KLHL18: variants seen among roughly 807,000 people sequenced by gnomAD.
KLHL18 encodes the protein kelch like family member 18.
In KLHL18, 38 loss-of-function variants were observed where a neutral mutation model predicts 58.5. That is an observed-to-expected ratio of 0.65 (90% CI 0.50 to 0.85). The LOEUF is 0.85. Among genes scored for constraint, KLHL18 ranks in the 40% least tolerant of loss-of-function variants. KLHL18 has a pLI of 0.00. For missense variants in KLHL18, 624 were observed against 778.4 expected, an observed-to-expected ratio of 0.80 and a Z score of 2.36; for synonymous variants, 303 against 301.9, an observed-to-expected ratio of 1.00 and a Z score of -0.04.
At chr3:47,292,890 G>A (rs998756282) in intron 1 of KLHL18, among the ~76,000 whole-genome samples, 7 of 137,236 alleles carry the variant, frequency 5.1e-5, no homozygotes, top group Non-Finnish European at 1.1e-4. Context: ...CTGGGCAACA[G>A]CGAGACCCTG....
chr3:47,328,209 C>A (rs1022977452), intron 3 of KLHL18, among the ~76,000 whole-genome samples: 1 of 125,100 alleles, frequency 8.0e-6, no homozygotes, highest in Admixed American at 8.3e-5. Flanking sequence ...TACCAAAAAA[C>A]ACTTTTTTTT....
chr3:47,294,477 T>C (rs1162702520), intron 1 of KLHL18, among the ~76,000 whole-genome samples: 3 of 151,950 alleles, frequency 2.0e-5, no homozygotes, highest in African/African-American at 7.3e-5. Context: ...GAGATCTAAA[T>C]GAAGTGAGGG....
At chr3:47,323,608 C>G (rs531194657) in intron 3 of KLHL18, among the ~76,000 whole-genome samples, 1 of 152,332 alleles carries the variant, frequency 6.6e-6, no homozygotes. Context: ...CCCTCCCCCT[C>G]AAGAGCCAGA....
chr3:47,318,948 TC>T (rs1463880900), intron 1 of KLHL18, among the ~76,000 whole-genome samples: 3 of 152,262 alleles, frequency 2.0e-5, no homozygotes, highest in East Asian at 1.9e-4. Flanking sequence ...GTTTTGCTCT[TC>T]CTGGAGAATA....
intron 3 of KLHL18, among the ~76,000 whole-genome samples, chr3:47,324,298 CTTT>C (rs769288621): frequency 8.9e-3 from 333 of 37,478 alleles, no homozygotes; most frequent in African/African-American, 0.02. Flanking sequence ...TTCTTTCTTT[CTTT>C]TTTTTTTTTT....
At chr3:47,290,406 T>C (rs559685177) in intron 1 of KLHL18, among the ~76,000 whole-genome samples, 3 of 152,352 alleles carry the variant, frequency 2.0e-5, no homozygotes, top group Non-Finnish European at 4.4e-5. Flanking sequence ...CAGGGTTTTC[T>C]ACTGACATTT....
At chr3:47,303,065 A>G (rs1703061348) in intron 1 of KLHL18, among the ~76,000 whole-genome samples, 1 of 152,198 alleles carries the variant, frequency 6.6e-6, no homozygotes, top group South Asian at 2.1e-4. Flanking sequence ...TGCCATATTC[A>G]TGATCTCTTC....
At chr3:47,319,279 A>C (rs1476942095) in intron 1 of KLHL18, among the ~76,000 whole-genome samples, 1 of 152,198 alleles carries the variant, frequency 6.6e-6, no homozygotes, top group East Asian at 1.9e-4. Flanking sequence ...CATCTGCCTG[A>C]GGTTGGGATA....
At chr3:47,307,084 T>A (rs760696115) in intron 1 of KLHL18, among the ~76,000 whole-genome samples, 1 of 152,204 alleles carries the variant, frequency 6.6e-6, no homozygotes, top group Admixed American at 6.5e-5. Flanking sequence ...AACTTGTCTT[T>A]TTTTCGAGAT....
chr3:47,288,185 C>CA (rs1394021819), intron 1 of KLHL18, among the ~76,000 whole-genome samples: 1 of 141,026 alleles, frequency 7.1e-6, no homozygotes, highest in East Asian at 2.1e-4. Context: ...CACGCCACTG[C>CA]ACTCCAGCCT....
intron 1 of KLHL18, among the ~76,000 whole-genome samples, chr3:47,298,188 T>G (rs1351538954): frequency 6.6e-6 from 1 of 151,878 alleles, no homozygotes; most frequent in African/African-American, 2.4e-5. Flanking sequence ...AAGACCAGCC[T>G]GGACAACAAA....
intron 3 of KLHL18, among the ~76,000 whole-genome samples, chr3:47,328,954 T>C (rs1703787618): frequency 6.6e-6 from 1 of 151,752 alleles, no homozygotes; most frequent in Admixed American, 6.6e-5. Flanking sequence ...ACATGGTGAA[T>C]CCCTGTCTCT....
Position 47,340,577 on chromosome 3 carries a change from TG to T in KLHL18, c.1131del (p.Thr378GlnfsTer36). 6.2e-7 allele frequency: 1 copy of T among 1,613,962 alleles called. No individual in the cohort carries two copies. The highest frequency in any genetic ancestry group is 8.5e-7 in the Non-Finnish European group (1 of 1,179,970). On this transcript the variant is annotated frameshift_variant, in exon 8 of 10. Coordinates refer to ENST00000232766, the MANE Select transcript of KLHL18 (RefSeq NM_025010.5). LOFTEE classifies it high-confidence loss of function. The stretch of plus-strand genomic sequence containing the variant: ...GACAGCTCTGTCTGTTTCAGTGCCA[TG>T]GGGACAGTCGTGCTGGATGGGCAGA... ...VGSMNSKRSAMGTVVLDGQIY... is the reference protein window; with the variant it reads ...VGSMNSKRSAXGTVVLDGQIY...
chr3:47,289,679 G>A (rs1459459015), intron 1 of KLHL18, among the ~76,000 whole-genome samples: 1 of 152,206 alleles, frequency 6.6e-6, no homozygotes, highest in African/African-American at 2.4e-5. Context: ...AGCACTTTGG[G>A]AAGTGAGGTG....
At chr3:47,340,450 G>A (rs1174375036) in intron 7 of KLHL18, 122 bp from the exon 8 acceptor site, 1 of 1,454,478 alleles carries the variant, frequency 6.9e-7, no homozygotes, top group East Asian at 2.3e-5. Context: ...CCTTTACTTA[G>A]TCACATACCT....
chr3:47,319,866 G>T, intron 2 of KLHL18, 83 bp downstream of exon 2: 1 of 1,422,968 alleles, frequency 7.0e-7, no homozygotes, highest in Non-Finnish European at 9.8e-7. Context: ...AGGACCTGCA[G>T]CAGGACACAG....
At chr3:47,323,377 T>A (rs1193534816) in intron 3 of KLHL18, among the ~76,000 whole-genome samples, 2 of 152,200 alleles carry the variant, frequency 1.3e-5, no homozygotes, top group Non-Finnish European at 2.9e-5. Flanking sequence ...CTCCCAGCCC[T>A]CTTTGAATTT....
chr3:47,321,294 A>G (rs1330555331), intron 2 of KLHL18, among the ~76,000 whole-genome samples: 1 of 149,656 alleles, frequency 6.7e-6, no homozygotes, highest in East Asian at 2.0e-4. Context: ...TCAGCCTCCC[A>G]TGAGTAGCTA....
chr3:47,335,752 C>T (rs1703969454), intron 6 of KLHL18, among the ~76,000 whole-genome samples: 1 of 152,154 alleles, frequency 6.6e-6, no homozygotes, highest in African/African-American at 2.4e-5. Flanking sequence ...AAGTGATCTG[C>T]CCACCTTGGC....
Sources: gnomAD v4.1 joint callset for allele counts (sites outside exome capture counted in the v4.1 genomes callset) on GRCh38, gnomAD v4.1.1 for gene constraint, MANE v1.5 for transcripts, NCBI Gene and HGNC (gene_info 2026-07-23, HGNC 2026-07-21) for gene names.